Variants in LAMC1 observed in about 807,000 individuals in gnomAD.
LAMC1 encodes the protein laminin subunit gamma-1.
Under a neutral mutation model 173.6 loss-of-function variants are expected in LAMC1, and 38 were observed. The observed-to-expected ratio is 0.22, with a 90% CI of 0.17 to 0.29. The LOEUF is 0.29. LAMC1 is among the 10% of genes least tolerant of loss of function. The pLI is 1.00. For synonymous variants in LAMC1, 746 were observed against 749.1 expected, an observed-to-expected ratio of 1.00 and a Z score of 0.07; for missense variants, 1,824 against 2,051.8, an observed-to-expected ratio of 0.89 and a Z score of 2.14.
intron 1 of LAMC1, among the ~76,000 whole-genome samples, chr1:183,073,613 CCAGT>C (rs1655061617): frequency 6.6e-6 from 1 of 152,102 alleles, no homozygotes; most frequent in African/African-American, 2.4e-5. Context: ...TAAGGTCAAG[CCAGT>C]TTGGTGTTAC....
intron 1 of LAMC1, among the ~76,000 whole-genome samples, chr1:183,069,106 T>C (rs138562358): frequency 6.6e-6 from 1 of 152,330 alleles, no homozygotes; most frequent in East Asian, 1.9e-4. Flanking sequence ...ACAGACTCTC[T>C]ACTGTACCTG....
intron 1 of LAMC1, among the ~76,000 whole-genome samples, chr1:183,031,580 A>G (rs926392265): frequency 2.0e-5 from 3 of 152,180 alleles, no homozygotes; most frequent in African/African-American, 7.2e-5. Context: ...CTGGGATTAC[A>G]GGCATGAGCC....
chr1:183,136,720 C>CTTT (rs11306131), intron 25 of LAMC1, 135 bp downstream of exon 25: 4 of 567,508 alleles, frequency 7.0e-6, no homozygotes, highest in Non-Finnish European at 9.2e-6. Context: ...CCATATTTGT[C>CTTT]TTTTTTTTTT....
At chr1:183,077,776 G>GTGTGTGTGTGTGTGTATA in intron 1 of LAMC1, among the ~76,000 whole-genome samples, 11 of 116,558 alleles carry the variant, frequency 9.4e-5, no homozygotes, top group Admixed American at 6.1e-4. Flanking sequence ...TGGCCATTGT[G>GTGTGTGTGTGTGTGTATA]TATATATATA....
intron 1 of LAMC1, among the ~76,000 whole-genome samples, chr1:183,028,891 A>G (rs1333205278): frequency 6.6e-6 from 1 of 152,194 alleles, no homozygotes; most frequent in Non-Finnish European, 1.5e-5. Context: ...CTCTTTTTCC[A>G]GATCTAAAAT....
intron 1 of LAMC1, among the ~76,000 whole-genome samples, chr1:183,057,961 G>A (rs1466379400): frequency 6.6e-6 from 1 of 152,096 alleles, no homozygotes. Context: ...ACAATTGGAA[G>A]TCCTCTTTAG....
chr1:183,111,921 GCTACTCACTTGGGAA>G (rs1656169337), intron 4 of LAMC1, among the ~76,000 whole-genome samples: 1 of 152,126 alleles, frequency 6.6e-6, no homozygotes, highest in African/African-American at 2.4e-5. Context: ...TGTAATCACA[GCTACTCACTTGGGAA>G]GCTGAGGCAG....
In LAMC1 at chr1:183,071,092, GT is replaced by G. The variant is rs528876090; in HGVS notation, c.419-32223del. On this transcript the variant is annotated intron_variant, in intron 1 of 27. Transcript: ENST00000258341. ...AGGAAGCTGGGTTTTTTTTGTTTTT[GT>G]TTTTTTTTTTTTGAGTCCCATTAAA... is the stretch of plus-strand genomic sequence containing the variant. Among the ~76,000 whole-genome samples, 154 of 139,028 alleles carry G rather than the reference GT, an allele frequency of 1.1e-3. 1 individual carries two copies. Among genetic ancestry groups the G allele is most frequent in the Middle Eastern group, 3.6e-3 (1 of 278 alleles). The allele number at this position is 139,028 out of a possible 152,430, so 91.2% of individuals were successfully genotyped here. A position where few individuals can be genotyped will look rare whatever the true frequency, so the allele number is the denominator to read the frequency against.
At chr1:183,096,186 G>A (rs1441125163) in intron 1 of LAMC1, among the ~76,000 whole-genome samples, 1 of 151,158 alleles carries the variant, frequency 6.6e-6, no homozygotes, top group African/African-American at 2.4e-5. Context: ...GTATTTTGAG[G>A]GTGATAGGGA....
At chr1:183,094,061 C>T (rs1655633320) in intron 1 of LAMC1, among the ~76,000 whole-genome samples, 3 of 152,196 alleles carry the variant, frequency 2.0e-5, no homozygotes. Flanking sequence ...CAGTGATCTA[C>T]AGAGCCCTCC....
chr1:183,032,525 T>C (rs1558027218), intron 1 of LAMC1, among the ~76,000 whole-genome samples: 1 of 152,180 alleles, frequency 6.6e-6, no homozygotes. Context: ...GCTTGCTTTT[T>C]TTTTTATTTT....
intron 1 of LAMC1, among the ~76,000 whole-genome samples, chr1:183,029,333 A>T (rs1296499191): frequency 6.6e-6 from 1 of 152,088 alleles, no homozygotes; most frequent in Non-Finnish European, 1.5e-5. Context: ...TTTCACCTGG[A>T]TTGTTGCCAC....
At chr1:183,085,837 G>C (rs1056176515) in intron 1 of LAMC1, among the ~76,000 whole-genome samples, 1 of 152,134 alleles carries the variant, frequency 6.6e-6, no homozygotes, top group Non-Finnish European at 1.5e-5. Context: ...AATTGGTTTA[G>C]CCTCATACCA....
intron 1 of LAMC1, among the ~76,000 whole-genome samples, chr1:183,076,322 C>T (rs1303216809): frequency 6.6e-6 from 1 of 152,118 alleles, no homozygotes; most frequent in Non-Finnish European, 1.5e-5. Context: ...TCCTTTATCC[C>T]TGAGTAGGGA....
intron 25 of LAMC1, 85 bp from the exon 26 acceptor site, chr1:183,137,584 T>G: frequency 1.4e-6 from 1 of 721,850 alleles, no homozygotes; most frequent in Non-Finnish European, 2.1e-6. Context: ...TTTTAAGACA[T>G]TTTATAAATT....
chr1:183,128,282 G>A (rs1257987381), intron 17 of LAMC1, among the ~76,000 whole-genome samples: 2 of 152,068 alleles, frequency 1.3e-5, no homozygotes, highest in Non-Finnish European at 2.9e-5. Context: ...AAAGTCAAAG[G>A]AACAGCTCTG....
At chr1:183,112,732 G>A (rs10797842) in intron 4 of LAMC1, among the ~76,000 whole-genome samples, 78,591 of 151,902 alleles carry the variant, frequency 0.52, 21,022 homozygotes, top group South Asian at 0.65. Context: ...AAGCTAGGGC[G>A]TCTTGAGGGA....
rs55642592 is a variant in LAMC1, at chr1:183,120,167, C to CAAAA, written c.1991-1536_1991-1533dup. On this transcript the variant is annotated intron_variant, in intron 11 of 27. Transcript: ENST00000258341. The stretch of plus-strand genomic sequence containing the variant: ...CTGAGTTTACAGAGTGGATCTATCT[C>CAAAA]AAAAAAAAAAAAAAAAAAAAAAAGG... Among the ~76,000 whole-genome samples, 204 of 64,620 alleles carry CAAAA rather than the reference C, an allele frequency of 3.2e-3. 5 individuals carry two copies. Among genetic ancestry groups the CAAAA allele is most frequent in the African/African-American group, 5.6e-3 (95 of 17,080 alleles). 42.4% of individuals were successfully genotyped at this position (64,620 alleles called of 152,430 possible).
intron 1 of LAMC1, among the ~76,000 whole-genome samples, chr1:183,032,410 A>G (rs1456416201): frequency 6.6e-6 from 1 of 152,052 alleles, no homozygotes; most frequent in Non-Finnish European, 1.5e-5. Flanking sequence ...TTCCTCTTAT[A>G]TTGAGGGCAA....
Sources: gnomAD v4.1 joint callset for allele counts (sites outside exome capture counted in the v4.1 genomes callset) on GRCh38, gnomAD v4.1.1 for gene constraint, MANE v1.5 for transcripts, NCBI Gene and HGNC (gene_info 2026-07-23, HGNC 2026-07-21) for gene names.